The following ZNF674 variants were observed in gnomAD, a reference collection of about 807,000 sequenced individuals.
ZNF674 encodes the protein zinc finger family member 674.
In ZNF674, 2 loss-of-function variants were observed where a neutral mutation model predicts 7.0. That is an observed-to-expected ratio of 0.29 (90% confidence interval 0.12 to 0.90). ZNF674 has a LOEUF of 0.90. Ranked by LOEUF, ZNF674 falls within the 40% of genes least tolerant of loss-of-function variation. ZNF674 has a pLI of 0.57. For missense variants in ZNF674, 297 were observed against 415.5 expected (o/e 0.71, Z 2.48); for synonymous variants, 103 against 145.2 (o/e 0.71, Z 2.09).
At chrX:46,537,869 A>G (rs1453797278) in intron 3 of ZNF674, among the ~76,000 whole-genome samples, 1 of 112,103 alleles carries the variant, frequency 8.9e-6, no homozygotes, top group East Asian at 2.8e-4. Context: ...CAGGCAGTTC[A>G]GTTGAGGTCA....
intron 5 of ZNF674, among the ~76,000 whole-genome samples, chrX:46,521,287 A>C (rs1375044930): frequency 9.0e-6 from 1 of 111,304 alleles, no homozygotes; most frequent in Non-Finnish European, 1.9e-5. Context: ...CTCTACCGAA[A>C]ATAGTGCCAC....
intron 5 of ZNF674, among the ~76,000 whole-genome samples, chrX:46,508,057 G>GT (rs36072279): frequency 1.6e-4 from 17 of 106,188 alleles, no homozygotes; most frequent in East Asian, 3.0e-4. Flanking sequence ...AAAACTAAGA[G>GT]TTTTTTTTTT....
intron 5 of ZNF674, among the ~76,000 whole-genome samples, chrX:46,503,754 A>C (rs1941476335): frequency 8.9e-6 from 1 of 112,318 alleles, no homozygotes; most frequent in Non-Finnish European, 1.9e-5. Flanking sequence ...TTCACTTACA[A>C]AGATGTGAAA....
In ZNF674 at chrX:46,520,819, A is replaced by G. The variant is rs751701257; in HGVS notation, c.238+7531T>C. Among the ~76,000 whole-genome samples the G allele has an allele frequency of 3.6e-5, 4 of 112,100 alleles. No individual in the cohort carries two copies. The East Asian group carries it at 1.1e-3, about 31-fold the overall frequency. ...GAGATTAAACACACAAGATTCAACT[A>G]TATCATGTCTACAAGAAACGCAATT... On this transcript the variant is annotated intron_variant, in intron 5 of 5. Coordinates refer to ENST00000683375, the MANE Select transcript of ZNF674 (RefSeq NM_001190417.2).
At chrX:46,516,814 T>C (rs1012248313) in intron 5 of ZNF674, among the ~76,000 whole-genome samples, 10 of 111,596 alleles carry the variant, frequency 9.0e-5, no homozygotes, top group Non-Finnish European at 1.5e-4. Flanking sequence ...CTGGCCAACA[T>C]GGCGAAACCC....
At chrX:46,533,829 A>AAATATATATAT (rs1415090691) in intron 3 of ZNF674, among the ~76,000 whole-genome samples, 2 of 65,569 alleles carry the variant, frequency 3.1e-5, no homozygotes, top group Non-Finnish European at 4.8e-5. Flanking sequence ...AAAAAAAAAA[A>AAATATATATAT]ATATATATAT....
At chrX:46,521,394 C>T (rs905852159) in intron 5 of ZNF674, among the ~76,000 whole-genome samples, 9 of 109,623 alleles carry the variant, frequency 8.2e-5, no homozygotes, top group Non-Finnish European at 1.1e-4. Flanking sequence ...CTAGGCAACA[C>T]GGCAAAACCC....
chrX:46,527,816 GGTAGA>G (rs1000190741), intron 5 of ZNF674: 1 of 123,327 alleles, frequency 8.1e-6, no homozygotes, highest in African/African-American at 3.3e-5. Flanking sequence ...TACCAGGCTG[GGTAGA>G]GTAAAGGTCA....
intron 2 of ZNF674, among the ~76,000 whole-genome samples, chrX:46,544,177 C>G (rs1274977575): frequency 8.9e-6 from 1 of 112,920 alleles, no homozygotes; most frequent in African/African-American, 3.2e-5. Context: ...TTCACCTGTC[C>G]CTCCTCCAGC....
rs776820356 is a variant in ZNF674 at position 46,500,319 on chromosome X, C to T, written c.1255G>A (p.Gly419Arg). The change falls in exon 6 of 6, where the codon GGA (glycine) becomes AGA (arginine). Residue 419 changes from glycine (G) to arginine (R), a missense_variant. Physicochemically the swap from Gly to Arg is moderately radical, Grantham distance 125. Transcript: ENST00000683375. The part of the protein sequence containing the change: ...ECSICGKTFS[G>R]KSHLSVHHRT... The stretch of plus-strand genomic sequence containing the variant: ...TGATGGACAGAGAGGTGTGACTTTC[C>T]ACTGAAAGTCTTCCCACATATACTA... The T allele has an allele frequency of 5.0e-6, 6 of 1,208,600 alleles. No individual in the cohort carries two copies. The highest frequency in any genetic ancestry group is 6.7e-6 in the Non-Finnish European group (6 of 892,874).
At chrX:46,503,654 G>A (rs1941474545) in intron 5 of ZNF674, among the ~76,000 whole-genome samples, 1 of 111,274 alleles carries the variant, frequency 9.0e-6, no homozygotes, top group Non-Finnish European at 1.9e-5. Flanking sequence ...AGCTACATCT[G>A]GCACTTAGTA....
intron 5 of ZNF674, among the ~76,000 whole-genome samples, chrX:46,501,743 T>A (rs1230635033): frequency 9.2e-6 from 1 of 109,015 alleles, no homozygotes; most frequent in Non-Finnish European, 1.9e-5. Flanking sequence ...AGACCAACTT[T>A]AAAAATTTTT....
intron 3 of ZNF674, among the ~76,000 whole-genome samples, chrX:46,533,017 T>C (rs1012273034): frequency 9.5e-6 from 1 of 105,787 alleles, no homozygotes; most frequent in African/African-American, 3.3e-5. Flanking sequence ...TTTGTAAAGC[T>C]GAGAGGCCAC....
At chrX:46,502,196 T>G (rs1385404920) in intron 5 of ZNF674, among the ~76,000 whole-genome samples, 1 of 107,169 alleles carries the variant, frequency 9.3e-6, no homozygotes, top group Non-Finnish European at 1.9e-5. Flanking sequence ...ATCCCAGCTA[T>G]TCAGGAGGCT....
chrX:46,536,982 T>C (rs1942210644), intron 3 of ZNF674, among the ~76,000 whole-genome samples: 1 of 111,868 alleles, frequency 8.9e-6, no homozygotes, highest in Admixed American at 9.5e-5. Context: ...AAAAATTGAC[T>C]CACACAGGAC....
intron 3 of ZNF674, among the ~76,000 whole-genome samples, chrX:46,533,829 A>AATATATATATATATAT (rs1197442802): frequency 3.1e-5 from 2 of 65,554 alleles, no homozygotes; most frequent in African/African-American, 2.0e-4. Context: ...AAAAAAAAAA[A>AATATATATATATATAT]ATATATATAT....
intron 5 of ZNF674, among the ~76,000 whole-genome samples, chrX:46,514,728 A>G (rs1337668001): frequency 8.9e-6 from 1 of 112,012 alleles, no homozygotes; most frequent in Non-Finnish European, 1.9e-5. Flanking sequence ...TGCCCATTGT[A>G]TCTCCTTCCT....
intron 5 of ZNF674, among the ~76,000 whole-genome samples, chrX:46,504,959 G>A (rs754027906): frequency 1.8e-5 from 2 of 109,066 alleles, no homozygotes; most frequent in Admixed American, 9.9e-5. Context: ...GTGGGATCTC[G>A]GCTCACTGCA....
chrX:46,501,041 T>C lies in ZNF674; in HGVS notation c.533A>G (p.His178Arg), dbSNP rs1941416614. 1 of 1,207,346 alleles carries C rather than the reference T, an allele frequency of 8.3e-7. No individual in the cohort carries two copies. Among genetic ancestry groups the C allele is most frequent in the Non-Finnish European group, 1.1e-6 (1 of 893,765 alleles). Residue 178 changes from histidine to arginine, a missense_variant, in exon 6 of 6, where the codon CAT becomes CGT. Coordinates refer to ENST00000683375, the MANE Select transcript of ZNF674 (RefSeq NM_001190417.2). ...GCKAYWKVCL[H>R]YNLHKAQPAE... Reference sequence around the variant, plus strand: ...AGGTTGAGCTTTATGAAGATTATAATGGAGGCATACTTTCCAATATGCCTT... The same window carrying C: ...AGGTTGAGCTTTATGAAGATTATAACGGAGGCATACTTTCCAATATGCCTT...
Sources: gnomAD v4.1 joint callset for allele counts (sites outside exome capture counted in the v4.1 genomes callset) on GRCh38, gnomAD v4.1.1 for gene constraint, MANE v1.5 for transcripts, NCBI Gene and HGNC (gene_info 2026-07-23, HGNC 2026-07-21) for gene names.